The following EYS variants were observed in gnomAD, a reference collection of about 807,000 sequenced individuals.
The protein encoded by EYS is EGF-like photoreceptor maintenance factor, also known as protein eyes shut homolog.
EYS carries 250 observed loss-of-function variants against 282.1 expected under a neutral mutation model. That is an observed-to-expected ratio of 0.89 (90% confidence interval 0.80 to 0.98). The LOEUF is 0.98. EYS is among the 50% of genes least tolerant of loss of function. EYS has a pLI of 0.00. For synonymous variants in EYS, 1,355 were observed against 1,282.9 expected (o/e 1.06, Z -1.20); for missense variants, 4,016 against 3,709.0 (o/e 1.08, Z -2.15).
At chr6:65,372,183 G>A (rs1304111573) in intron 8 of EYS, among the ~76,000 whole-genome samples, 1 of 151,750 alleles carries the variant, frequency 6.6e-6, no homozygotes, top group African/African-American at 2.4e-5. Flanking sequence ...ATACACTTCT[G>A]AGCCAGTTGC....
chr6:65,395,251 T>C lies in EYS; in HGVS notation c.1184+7227A>G, dbSNP rs142304725. ...GCTAATTTTGTATTTTTAGTAGAGA[T>C]GGGGTTTCTCCATGTTGGTCAAGCT... On this transcript the variant is annotated intron_variant, in intron 7 of 42. Transcript: ENST00000503581. 4.1e-3 allele frequency among the ~76,000 whole-genome samples: 620 copies of C among 152,216 alleles called. 5 individuals carry two copies. The highest frequency in any genetic ancestry group is 0.014 in the African/African-American group (587 of 41,556).
At chr6:64,879,616 A>G (rs548968658) in intron 19 of EYS, among the ~76,000 whole-genome samples, 37 of 152,116 alleles carry the variant, frequency 2.4e-4, no homozygotes, top group Non-Finnish European at 4.3e-4. Context: ...TGAAAGCTAA[A>G]TATTAACAAT....
At position 64,066,936 on chromosome 6, in the gene EYS, T is replaced by C. The variant is rs532966064; in HGVS notation, c.6572-445A>G. On this transcript the variant is annotated intron_variant, in intron 32 of 42. Transcript: ENST00000503581. Reference sequence around the variant, plus strand: ...TTTATTTTTGATTTCTAATTTCTTATGTTTATTTGTATTTTAATTACAAAG... The same window carrying C: ...TTTATTTTTGATTTCTAATTTCTTACGTTTATTTGTATTTTAATTACAAAG... 2.0e-5 allele frequency among the ~76,000 whole-genome samples: 3 copies of C among 152,276 alleles called. No homozygotes were observed. The East Asian group carries it at 5.8e-4, about 29-fold the overall frequency.
At chr6:64,704,087 A>G (rs1485214897) in intron 22 of EYS, among the ~76,000 whole-genome samples, 1 of 152,004 alleles carries the variant, frequency 6.6e-6, no homozygotes, top group Non-Finnish European at 1.5e-5. Context: ...ATTTAAAAAA[A>G]ACTTCAGTGA....
intron 19 of EYS, among the ~76,000 whole-genome samples, chr6:64,853,003 T>C (rs952235738): frequency 6.6e-6 from 1 of 152,160 alleles, no homozygotes; most frequent in African/African-American, 2.4e-5. Context: ...AAGGCAGACC[T>C]ACAGTGATAA....
At chr6:63,743,584 G>A (rs1474271138) in intron 41 of EYS, among the ~76,000 whole-genome samples, 1 of 152,162 alleles carries the variant, frequency 6.6e-6, no homozygotes, top group African/African-American at 2.4e-5. Flanking sequence ...CAGATGGAAG[G>A]ACAGGGCAAT....
chr6:65,324,991 G>A (rs1769580258), intron 11 of EYS, among the ~76,000 whole-genome samples: 1 of 152,204 alleles, frequency 6.6e-6, no homozygotes, highest in African/African-American at 2.4e-5. Flanking sequence ...TGCATTAGCA[G>A]GTGGTGGAAG....
chr6:63,781,993 A>G, intron 39 of EYS, among the ~76,000 whole-genome samples: 1 of 152,210 alleles, frequency 6.6e-6, no homozygotes, highest in East Asian at 1.9e-4. Flanking sequence ...CCTTTTCTGC[A>G]TCTATTGAGA....
chr6:65,490,045 G>T (rs1167022992), intron 5 of EYS: 1 of 152,552 alleles, frequency 6.6e-6, no homozygotes, highest in Non-Finnish European at 1.5e-5. Flanking sequence ...GTTGATGGGT[G>T]AGCAAACCAC....
At chr6:63,996,764 G>A in intron 34 of EYS, among the ~76,000 whole-genome samples, 1 of 151,930 alleles carries the variant, frequency 6.6e-6, no homozygotes, top group Non-Finnish European at 1.5e-5. Context: ...ATATTTTTTG[G>A]TAACAATTAA....
intron 19 of EYS, among the ~76,000 whole-genome samples, chr6:64,843,412 C>T (rs370942344): frequency 6.0e-4 from 92 of 152,230 alleles, no homozygotes; most frequent in Middle Eastern, 3.4e-3. Flanking sequence ...TGGGCTATAC[C>T]CTGAAAAGCC....
chr6:65,120,411 A>T (rs1313393631), intron 12 of EYS, among the ~76,000 whole-genome samples: 1 of 146,628 alleles, frequency 6.8e-6, no homozygotes, highest in African/African-American at 2.6e-5. Context: ...AAGGACTGAC[A>T]TGGCTCATTA....
intron 1 of EYS, among the ~76,000 whole-genome samples, chr6:65,642,865 A>G (rs1197005635): frequency 6.6e-6 from 1 of 152,238 alleles, no homozygotes; most frequent in Non-Finnish European, 1.5e-5. Flanking sequence ...CCTCCAGAAA[A>G]TAACTTTAAG....
intron 30 of EYS, among the ~76,000 whole-genome samples, chr6:64,265,550 A>C (rs570512394): frequency 6.6e-6 from 1 of 152,310 alleles, no homozygotes; most frequent in African/African-American, 2.4e-5. Flanking sequence ...TGGTCTCATC[A>C]TCTTTTAACA....
chr6:65,535,218 G>A (rs1475235815), intron 2 of EYS, among the ~76,000 whole-genome samples: 1 of 152,122 alleles, frequency 6.6e-6, no homozygotes, highest in African/African-American at 2.4e-5. Context: ...CCAGTCTAAA[G>A]GTCAGTGGCC....
At chr6:63,794,830 A>T (rs1422044022) in intron 37 of EYS, among the ~76,000 whole-genome samples, 1 of 152,228 alleles carries the variant, frequency 6.6e-6, no homozygotes, top group East Asian at 1.9e-4. Context: ...CTCATTTGGT[A>T]TGCAGAACAC....
chr6:65,107,446 A>G (rs1775073667), intron 12 of EYS, among the ~76,000 whole-genome samples: 1 of 151,424 alleles, frequency 6.6e-6, no homozygotes, highest in Non-Finnish European at 1.5e-5. Flanking sequence ...AACTTGTATT[A>G]TCTTTTTAAA....
chr6:65,518,239 G>GA (rs1426205915), intron 2 of EYS, among the ~76,000 whole-genome samples: 1 of 151,976 alleles, frequency 6.6e-6, no homozygotes, highest in Non-Finnish European at 1.5e-5. Flanking sequence ...TAAATTGAAA[G>GA]AAAAAATTTA....
At chr6:64,951,050 C>T (rs1210862268) in intron 14 of EYS, among the ~76,000 whole-genome samples, 1 of 151,362 alleles carries the variant, frequency 6.6e-6, no homozygotes, top group African/African-American at 2.4e-5. Flanking sequence ...TAGCATTCAG[C>T]TTGGTCAAGG....
Sources: allele counts gnomAD v4.1 joint callset (sites outside exome capture counted in the v4.1 genomes callset), GRCh38; gene constraint gnomAD v4.1.1; transcripts MANE v1.5; gene names NCBI Gene and HGNC (gene_info 2026-07-23, HGNC 2026-07-21).